The following LARP1 variants were observed in gnomAD, a reference collection of about 807,000 sequenced individuals.
LARP1 encodes La ribonucleoprotein 1, translational regulator.
LARP1 carries 36 observed loss-of-function variants against 122.7 expected under a neutral mutation model. The ratio of observed to expected loss-of-function variants is 0.29; its 90% CI spans 0.22 to 0.39. The LOEUF is 0.39. Among genes scored for constraint, LARP1 ranks in the 10% least tolerant of loss-of-function variants. LARP1 has a pLI of 1.00. For missense variants in LARP1, 1,040 were observed against 1,403.6 expected (o/e 0.74, Z 4.14); for synonymous variants, 539 against 528.7 (o/e 1.02, Z -0.27).
chr5:154,795,002 G>A (rs1757633236), intron 7 of LARP1, among the ~76,000 whole-genome samples, 173 bp from the exon 8 acceptor site: 1 of 152,202 alleles, frequency 6.6e-6, no homozygotes. Flanking sequence ...AGGGTGTCAT[G>A]AAGGGATCAC....
At chr5:154,779,967 A>T (rs1022204069) in intron 1 of LARP1, among the ~76,000 whole-genome samples, 2 of 152,148 alleles carry the variant, frequency 1.3e-5, no homozygotes, top group African/African-American at 2.4e-5. Flanking sequence ...GGGTTGTAGC[A>T]TATGACACTG....
chr5:154,808,478 T>C lies in LARP1; in HGVS notation c.2718T>C (p.Ile906=). 1.2e-6 allele frequency: 2 copies of C among 1,613,412 alleles called. No individual in the cohort carries two copies. Among genetic ancestry groups the C allele is most frequent in the Non-Finnish European group, 8.5e-7 (1 of 1,179,898 alleles). ...RCLNERKRLG[I]GQSQEMNTLF... is the part of the protein sequence containing the mutation. ...CATCAGAGCGGAAACGCTTGGGCAT[T>C]GGCCAGTCTCAGGAGATGAACACAC... The change falls in exon 16 of 19, where the codon ATT becomes ATC. Residue 906 remains isoleucine, a synonymous_variant. Transcript: ENST00000518297.
chr5:154,736,893 A>G (rs559193076), intron 1 of LARP1, among the ~76,000 whole-genome samples: 105 of 151,784 alleles, frequency 6.9e-4, no homozygotes, highest in Middle Eastern at 3.4e-3. Context: ...AGGAACTTCC[A>G]TATGGTTTTC....
rs1209264703 is a variant in LARP1, at chr5:154,792,717, T to C, written c.660T>C (p.Ser220=). 6 of 1,612,962 alleles carry C rather than the reference T, an allele frequency of 3.7e-6. No individual in the cohort carries two copies. Among genetic ancestry groups the C allele is most frequent in the Non-Finnish European group, 8.5e-7 (1 of 1,179,738 alleles). ...EKGEGSDSKE[S]PKTKSDESGE... ...GAGAAGGGAGTGATAGTAAGGAGAG[T>C]CCAAAAACCAAATCAGATGAATCAG... Residue 220 remains serine (S), a synonymous_variant, in exon 4 of 19, where the codon AGT becomes AGC. Transcript: ENST00000518297.
intron 1 of LARP1, among the ~76,000 whole-genome samples, chr5:154,697,614 G>A (rs6580110): frequency 0.66 from 99,874 of 151,988 alleles, 32,934 homozygotes; most frequent in Non-Finnish European, 0.7. Context: ...ATGCTATAAC[G>A]TCGATGAACC....
At position 154,816,307 on chromosome 5, in the gene LARP1, C is replaced by G. The variant is rs1338575673; in HGVS notation, c.*2211C>G. 1 of 152,880 alleles carries G rather than the reference C, an allele frequency of 6.5e-6. No homozygotes were observed. The highest frequency in any genetic ancestry group is 2.4e-5 in the African/African-American group (1 of 41,450). 9.5% of individuals were successfully genotyped at this position (152,880 alleles called of 1,614,324 possible). The stretch of plus-strand genomic sequence containing the variant: ...CAGGTCACGCAGCCCTGTACTGTAT[C>G]CAGCACCACAGAAACCTCAGTGTTT... On this transcript the variant is annotated 3_prime_UTR_variant, in exon 19 of 19. Coordinates refer to ENST00000518297, the MANE Select transcript of LARP1 (RefSeq NM_033551.3).
intron 1 of LARP1, among the ~76,000 whole-genome samples, chr5:154,746,859 A>G (rs1753220288): frequency 6.6e-6 from 1 of 151,992 alleles, no homozygotes; most frequent in Admixed American, 6.6e-5. Context: ...AATGGGCCAG[A>G]TGCGGTGGCT....
At chr5:154,703,572 C>T (rs1405431316) in intron 1 of LARP1, among the ~76,000 whole-genome samples, 3 of 152,136 alleles carry the variant, frequency 2.0e-5, no homozygotes, top group Non-Finnish European at 4.4e-5. Flanking sequence ...TATGATTGTA[C>T]CACTGCATTC....
chr5:154,691,881 C>T (rs1433360576), intron 1 of LARP1, among the ~76,000 whole-genome samples: 1 of 151,966 alleles, frequency 6.6e-6, no homozygotes, highest in Non-Finnish European at 1.5e-5. Context: ...CCTCCCCCTC[C>T]GGGGCTTAGG....
upstream of LARP1, among the ~76,000 whole-genome samples, chr5:154,710,249 C>T (rs1398581350): frequency 6.6e-6 from 1 of 152,132 alleles, no homozygotes; most frequent in East Asian, 1.9e-4. Context: ...TGTTTCTAGA[C>T]CTGAAAACAG....
At chr5:154,807,638 A>G (rs1044650170) in intron 15 of LARP1, among the ~76,000 whole-genome samples, 5 of 152,166 alleles carry the variant, frequency 3.3e-5, no homozygotes, top group Admixed American at 1.3e-4. Context: ...GCAGTCTCGA[A>G]CTATTGGGCT....
rs968167318 is a variant in LARP1 at position 154,758,171 on chromosome 5, T to C, written c.436+1978T>C. 5.9e-5 allele frequency among the ~76,000 whole-genome samples: 9 copies of C among 152,034 alleles called. No individual in the cohort carries two copies. In the East Asian group the frequency reaches 1.8e-3, roughly 30 times the overall value. ...AAATCAACCGTGACATCAGGTGGTA[T>C]TGGGTGCCTGAGCTGGCATTTTGTG... On this transcript the variant is annotated intron_variant, in intron 1 of 18. Transcript: ENST00000518297.
At chr5:154,690,225 G>C (rs7715775) in intron 1 of LARP1, among the ~76,000 whole-genome samples, 101,094 of 151,798 alleles carry the variant, frequency 0.67, 33,917 homozygotes, top group Non-Finnish European at 0.7. Context: ...GCCAGCTGTG[G>C]TTTAAGTTCT....
At chr5:154,810,033 T>C (rs1170554556) in intron 16 of LARP1, among the ~76,000 whole-genome samples, 1 of 152,164 alleles carries the variant, frequency 6.6e-6, no homozygotes, top group Non-Finnish European at 1.5e-5. Flanking sequence ...TAGCTTATAT[T>C]ACTCCATTGT....
chr5:154,764,927 CA>C (rs898000100), intron 1 of LARP1, among the ~76,000 whole-genome samples: 1 of 149,538 alleles, frequency 6.7e-6, no homozygotes, highest in Non-Finnish European at 1.5e-5. Flanking sequence ...AAAGAAACAA[CA>C]AAAAAAACCT....
intron 1 of LARP1, among the ~76,000 whole-genome samples, chr5:154,686,265 C>T (rs1228030181): frequency 2.0e-5 from 3 of 152,154 alleles, no homozygotes; most frequent in Non-Finnish European, 2.9e-5. Context: ...TGGTGCAGCC[C>T]CAGTGAGGGA....
At position 154,755,847 on chromosome 5, in the gene LARP1, G is replaced by C; in HGVS notation, c.90G>C (p.Pro30=). The C allele has an allele frequency of 1.0e-6, 1 of 1,004,972 alleles. No homozygotes were observed. Among genetic ancestry groups the C allele is most frequent in the South Asian group, 3.7e-5 (1 of 27,002 alleles). The allele number at this position is 1,004,972 out of a possible 1,614,324, so 62.3% of individuals were successfully genotyped here. Residue 30 remains proline, a synonymous_variant, in exon 1 of 19, where the codon CCG becomes CCC. Coordinates refer to ENST00000518297, the MANE Select transcript of LARP1 (RefSeq NM_033551.3). ...GGGGGCTGGTGAGGAAGAAGCCGCCGCCGGCGCCCGAGGGCAAGGGCGAGC... is the reference window on the plus strand; with the variant it reads ...GGGGGCTGGTGAGGAAGAAGCCGCCCCCGGCGCCCGAGGGCAAGGGCGAGC... ...EHGGLVRKKP[P]PAPEGKGEPG...
rs1205244736 is a variant in LARP1 at position 154,815,524 on chromosome 5, GTC to G, written c.*1434_*1435del. The G allele has an allele frequency of 6.6e-6, 1 of 152,160 alleles. No homozygotes were observed. The highest frequency in any genetic ancestry group is 1.5e-5 in the Non-Finnish European group (1 of 68,042). 9.4% of individuals were successfully genotyped at this position (152,160 alleles called of 1,614,324 possible). ...ATCTTTGAGACCTCAGGGAGGCTCT[GTC>G]TCTCTTAAAAGGTGGAGAAAGATGC... On this transcript the variant is annotated 3_prime_UTR_variant, in exon 19 of 19. Coordinates refer to ENST00000518297, the MANE Select transcript of LARP1 (RefSeq NM_033551.3).
Position 154,814,196 on chromosome 5 carries a change from G to A in LARP1, c.*100G>A. ...AGGAAAGGGGACAATGAAGGGACAG[G>A]CCTGGAGTTACTAGGACAGGCCTTT... On this transcript the variant is annotated 3_prime_UTR_variant, in exon 19 of 19. Coordinates refer to ENST00000518297, the MANE Select transcript of LARP1 (RefSeq NM_033551.3). 2 of 1,217,096 alleles carry A rather than the reference G, an allele frequency of 1.6e-6. No homozygotes were observed. The highest frequency in any genetic ancestry group is 1.4e-5 in the South Asian group (1 of 72,404). The allele number at this position is 1,217,096 out of a possible 1,614,324, so 75.4% of individuals were successfully genotyped here.
Sources: allele counts gnomAD v4.1 joint callset (sites outside exome capture counted in the v4.1 genomes callset), GRCh38; gene constraint gnomAD v4.1.1; transcripts MANE v1.5; gene names NCBI Gene and HGNC (gene_info 2026-07-23, HGNC 2026-07-21).